The following CCNDBP1 variants were observed in gnomAD, a reference collection of about 807,000 sequenced individuals.
CCNDBP1 encodes the protein cyclin-D1-binding protein 1.
Under a neutral mutation model 46.2 loss-of-function variants are expected in CCNDBP1, and 45 were observed. The observed-to-expected ratio is 0.97, with a 90% CI of 0.77 to 1.25. The LOEUF is 1.25. Among genes scored for constraint, CCNDBP1 ranks in the 50% most tolerant of loss-of-function variants. CCNDBP1 has a pLI of 0.00. For missense variants in CCNDBP1, 436 were observed against 442.1 expected, an observed-to-expected ratio of 0.99 and a Z score of 0.12; for synonymous variants, 154 against 163.6, an observed-to-expected ratio of 0.94 and a Z score of 0.45.
chr15:43,193,423 G>C (rs1270367510), intron 9 of CCNDBP1: 1 of 140,220 alleles, frequency 7.1e-6, no homozygotes, highest in Non-Finnish European at 1.5e-5. Context: ...TCAACTTGAA[G>C]TCACAAGTTT....
At chr15:43,194,514 TC>T in intron 10 of CCNDBP1, 53 bp downstream of exon 10, 1 of 1,407,010 alleles carries the variant, frequency 7.1e-7, no homozygotes, top group Non-Finnish European at 9.9e-7. Context: ...GGAACTGCTG[TC>T]CAGACGTTCT....
intron 4 of CCNDBP1, 105 bp downstream of exon 4, chr15:43,189,385 C>T: frequency 1.6e-6 from 1 of 610,698 alleles, no homozygotes; most frequent in African/African-American, 1.9e-5. Flanking sequence ...AACTTTCTCC[C>T]ATAAAATACA....
intron 9 of CCNDBP1, chr15:43,193,984 A>G (rs920566828): frequency 4.6e-5 from 14 of 304,504 alleles, no homozygotes; most frequent in Non-Finnish European, 7.3e-5. Flanking sequence ...ATATGTATTG[A>G]TATTTTATAT....
chr15:43,189,296 GT>G lies in CCNDBP1; in HGVS notation c.331+18del. 1 of 1,502,826 alleles carries G rather than the reference GT, an allele frequency of 6.7e-7. No individual in the cohort carries two copies. Among genetic ancestry groups the G allele is most frequent in the Non-Finnish European group, 9.2e-7 (1 of 1,088,734 alleles). 93.1% of individuals were successfully genotyped at this position (1,502,826 alleles called of 1,614,324 possible). A position where few individuals can be genotyped will look rare whatever the true frequency, so the allele number is the denominator to read the frequency against. On this transcript the variant is annotated intron_variant, in intron 4 of 10. Transcript: ENST00000300213. ...AAGGATCAGGGTAAGCCACATAAGT[GT>G]TGCATTTATCGTGTAGATCTTTGCT...
intron 3 of CCNDBP1, chr15:43,188,449 C>A (rs1357711068): frequency 6.6e-6 from 1 of 152,148 alleles, no homozygotes; most frequent in East Asian, 1.9e-4. Context: ...GATTTTGTAA[C>A]CAACTACCCA....
chr15:43,187,907 A>G (rs1005382609), intron 3 of CCNDBP1, among the ~76,000 whole-genome samples: 3 of 152,152 alleles, frequency 2.0e-5, no homozygotes, highest in Non-Finnish European at 4.4e-5. Context: ...ATATGTGTGT[A>G]TATACACACA....
At chr15:43,189,101 A>AAAAT (rs756151109) in intron 3 of CCNDBP1, 98 bp from the exon 4 acceptor site, 36 of 165,844 alleles carry the variant, frequency 2.2e-4, no homozygotes, top group Non-Finnish European at 3.1e-4. Flanking sequence ...AAAAAAAAAA[A>AAAAT]AAAGAAAAAG....
In CCNDBP1 at chr15:43,186,165, G is replaced by A. The variant is rs140148623; in HGVS notation, c.181G>A (p.Val61Met). The change falls in exon 3 of 11, where the codon GTG becomes ATG. Residue 61 changes from valine (V) to methionine (M), a missense_variant. Physicochemically the swap from Val to Met is conservative, Grantham distance 21. Coordinates refer to ENST00000300213, the MANE Select transcript of CCNDBP1 (RefSeq NM_012142.5). The part of the protein sequence containing the change: ...MFWRRLNEAA[V>M]TVSREATTLT... ...CGGCCACCCCCCAGATGAGGCAGCT[G>A]TGACTGTGTCAAGGGAAGCCACGAC... 21 of 1,614,142 alleles carry A rather than the reference G, an allele frequency of 1.3e-5. No homozygotes were observed. The African/African-American group carries it at 2.7e-4, about 20-fold the overall frequency.
chr15:43,189,827 C>T (rs1048589537), intron 4 of CCNDBP1: 46 of 531,014 alleles, frequency 8.7e-5, no homozygotes, highest in Non-Finnish European at 1.4e-4. Context: ...TACATGGTGT[C>T]ACGGAAAGAT....
In CCNDBP1 at chr15:43,195,395, CTT is replaced by C. The variant is rs948486458; in HGVS notation, c.*555_*556del. 1 of 152,226 alleles carries C rather than the reference CTT, an allele frequency of 6.6e-6. No individual in the cohort carries two copies. Among genetic ancestry groups the C allele is most frequent in the African/African-American group, 2.4e-5 (1 of 41,426 alleles). 9.4% of individuals were successfully genotyped at this position (152,226 alleles called of 1,614,324 possible). A position where few individuals can be genotyped will look rare whatever the true frequency, so the allele number is the denominator to read the frequency against. The stretch of plus-strand genomic sequence containing the variant: ...TGTTATATATTATTATCAGCAAGTC[CTT>C]CTGAATATTATCACAGATTACTCCA... On this transcript the variant is annotated 3_prime_UTR_variant, in exon 11 of 11. Transcript: ENST00000300213.
intron 6 of CCNDBP1, 104 bp downstream of exon 6, chr15:43,190,502 T>C (rs1663493643): frequency 6.7e-6 from 5 of 746,270 alleles, no homozygotes; most frequent in African/African-American, 1.8e-5. Flanking sequence ...ATAAACAGTC[T>C]AGTGAAATAT....
chr15:43,186,968 C>T (rs2041859703), intron 3 of CCNDBP1, among the ~76,000 whole-genome samples: 1 of 152,086 alleles, frequency 6.6e-6, no homozygotes, highest in South Asian at 2.1e-4. Flanking sequence ...AGAAAAAATT[C>T]CCGGAAGTAG....
rs202063996 is a variant in CCNDBP1, at chr15:43,191,682, G to A, written c.860+7G>A. The A allele has an allele frequency of 2.3e-4, 371 of 1,598,040 alleles. 2 individuals carry two copies. In the African/African-American group the frequency reaches 4.6e-3, roughly 20 times the overall value. ...CTGATGAAATCAGCCCTAGGTAAGC[G>A]GGATCCCCACTTGAAACATCTGAGC... On this transcript the variant is annotated splice_region_variant and intron_variant, in intron 8 of 10. Transcript: ENST00000300213.
chr15:43,189,838 T>C lies in CCNDBP1; in HGVS notation c.332-217T>C, dbSNP rs980657174. On this transcript the variant is annotated intron_variant, in intron 4 of 10. Coordinates refer to ENST00000300213, the MANE Select transcript of CCNDBP1 (RefSeq NM_012142.5). ...TGAATACATGGTGTCACGGAAAGAT[T>C]TTGTTCCAAATCTCTTTTGAAGAAA... 9 of 538,980 alleles carry C rather than the reference T, an allele frequency of 1.7e-5. No homozygotes were observed. In the African/African-American group the frequency reaches 1.7e-4, roughly 10 times the overall value. The allele number at this position is 538,980 out of a possible 1,614,324, so 33.4% of individuals were successfully genotyped here.
At chr15:43,192,719 A>G (rs1282099638) in intron 8 of CCNDBP1, 24 bp from the exon 9 acceptor site, 1 of 1,611,900 alleles carries the variant, frequency 6.2e-7, no homozygotes, top group African/African-American at 1.3e-5. Context: ...TTTGTTAATG[A>G]TTACTTTTGT....
rs1002122822 is a variant in CCNDBP1, at chr15:43,189,976, T to C, written c.332-79T>C. ...GTGGGTGTACATTACCTTATAGTTC[T>C]GTAATGCTTAGACTCAGGAAAGCAG... On this transcript the variant is annotated intron_variant, in intron 4 of 10. Transcript: ENST00000300213. 9 of 1,214,422 alleles carry C rather than the reference T, an allele frequency of 7.4e-6. No homozygotes were observed. In the African/African-American group the frequency reaches 7.4e-5, roughly 10 times the overall value. The allele number at this position is 1,214,422 out of a possible 1,614,324, so 75.2% of individuals were successfully genotyped here. A position where few individuals can be genotyped will look rare whatever the true frequency, so the allele number is the denominator to read the frequency against.
In CCNDBP1 at chr15:43,189,267, T is replaced by C; in HGVS notation, c.318T>C (p.Leu106=). ...IKAFIAVYYL[L]PKDQGITLRK... is the part of the protein sequence containing the mutation. Reference sequence around the variant, plus strand: ...CATTTATTGCAGTGTACTATTTGCTTCCAAAGGATCAGGGTAAGCCACATA... The same window carrying C: ...CATTTATTGCAGTGTACTATTTGCTCCCAAAGGATCAGGGTAAGCCACATA... The change falls in exon 4 of 11, where the codon CTT becomes CTC. Residue 106 remains leucine, a synonymous_variant. Coordinates refer to ENST00000300213, the MANE Select transcript of CCNDBP1 (RefSeq NM_012142.5). The C allele has an allele frequency of 6.2e-7, 1 of 1,604,824 alleles. No homozygotes were observed. The highest frequency in any genetic ancestry group is 8.5e-7 in the Non-Finnish European group (1 of 1,172,808).
chr15:43,194,599 C>A, intron 10 of CCNDBP1, 128 bp from the exon 11 acceptor site: 1 of 977,702 alleles, frequency 1.0e-6, no homozygotes. Flanking sequence ...AGTTGTGGGG[C>A]AGCTGAGATT....
rs889696581 is a variant in CCNDBP1, at chr15:43,195,754, C to T, written c.*913C>T. Reference sequence around the variant, plus strand: ...GCATTATGCATGTCCTACAGGTCTCCGCCACCTCTCATGCCCATCATCTTC... The same window carrying T: ...GCATTATGCATGTCCTACAGGTCTCTGCCACCTCTCATGCCCATCATCTTC... On this transcript the variant is annotated 3_prime_UTR_variant, in exon 11 of 11. Coordinates refer to ENST00000300213, the MANE Select transcript of CCNDBP1 (RefSeq NM_012142.5). 2.6e-5 allele frequency: 4 copies of T among 152,156 alleles called. No individual in the cohort carries two copies. Among genetic ancestry groups the T allele is most frequent in the African/African-American group, 7.2e-5 (3 of 41,438 alleles). 9.4% of individuals were successfully genotyped at this position (152,156 alleles called of 1,614,324 possible). A position where few individuals can be genotyped will look rare whatever the true frequency, so the allele number is the denominator to read the frequency against.
Sources: gnomAD v4.1 joint callset for allele counts (sites outside exome capture counted in the v4.1 genomes callset) on GRCh38, gnomAD v4.1.1 for gene constraint, MANE v1.5 for transcripts, NCBI Gene and HGNC (gene_info 2026-07-23, HGNC 2026-07-21) for gene names.